PGS1: variants seen among roughly 807,000 people sequenced by gnomAD.
PGS1 encodes the protein CDP-diacylglycerol--glycerol-3-phosphate 3-phosphatidyltransferase, mitochondrial.
In PGS1, 44 loss-of-function variants were observed where a neutral mutation model predicts 58.3. That is an observed-to-expected ratio of 0.75 (90% CI 0.59 to 0.97). PGS1 has a LOEUF of 0.97. PGS1 is among the 50% of genes least tolerant of loss of function. PGS1 has a pLI of 0.00. For synonymous variants in PGS1, 330 were observed against 311.0 expected (o/e 1.06, Z -0.64); for missense variants, 684 against 731.1 (o/e 0.94, Z 0.74).
In PGS1 at chr17:78,414,961, C is replaced by G. The variant is rs1249019030; in HGVS notation, c.1485C>G (p.His495Gln). The G allele has an allele frequency of 6.2e-7, 1 of 1,613,882 alleles. No individual in the cohort carries two copies. The highest frequency in any genetic ancestry group is 2.2e-5 in the East Asian group (1 of 44,884). The change falls in exon 8 of 10, where the codon CAC becomes CAG. Residue 495 changes from histidine to glutamine, a missense_variant. His to Gln is a conservative substitution (Grantham distance 24). Transcript: ENST00000262764. ...GSPNFGYRSV[H>Q]RDLEAQIAIV... ...CTAATTTTGGGTACAGGTCAGTTCA[C>G]CGGGACCTGGAGGCCCAGATTGCGA...
intron 1 of PGS1, among the ~76,000 whole-genome samples, chr17:78,379,127 G>C (rs1383839162): frequency 6.6e-6 from 1 of 152,234 alleles, no homozygotes; most frequent in African/African-American, 2.4e-5. Context: ...CACGTTAAAA[G>C]AGGGACTGTG....
chr17:78,423,569 C>G, intron 9 of PGS1: 1 of 309,264 alleles, frequency 3.2e-6, no homozygotes, highest in South Asian at 3.7e-5. Flanking sequence ...ACTGACCCCC[C>G]CGGGAAGTCA....
chr17:78,385,153 C>G lies in PGS1; in HGVS notation c.143+6345C>G, dbSNP rs1003258970. Among the ~76,000 whole-genome samples the G allele has an allele frequency of 6.6e-5, 10 of 152,210 alleles. No individual in the cohort carries two copies. In the South Asian group the frequency reaches 1.4e-3, roughly 22 times the overall value. On this transcript the variant is annotated intron_variant, in intron 1 of 9. Coordinates refer to ENST00000262764, the MANE Select transcript of PGS1 (RefSeq NM_024419.5). ...TCTTTTTCTGAGATGGAGTCTTGCTCTGTCGCCCAGGCTGGAGTGCAGTGG... is the reference window on the plus strand; with the variant it reads ...TCTTTTTCTGAGATGGAGTCTTGCTGTGTCGCCCAGGCTGGAGTGCAGTGG...
At chr17:78,419,102 G>T (rs1028867981) in intron 8 of PGS1, among the ~76,000 whole-genome samples, 1 of 151,774 alleles carries the variant, frequency 6.6e-6, no homozygotes, top group Non-Finnish European at 1.5e-5. Flanking sequence ...TTGACCTCCC[G>T]GGCTGAAACC....
rs777270141 is a variant in PGS1 at position 78,424,113 on chromosome 17, C to T, written c.*63C>T. On this transcript the variant is annotated 3_prime_UTR_variant, in exon 10 of 10. Coordinates refer to ENST00000262764, the MANE Select transcript of PGS1 (RefSeq NM_024419.5). Reference sequence around the variant, plus strand: ...TGGCCGGGGTCAGCTCTTTCAGCCGCGCTTCAGCGATGACTCCAGTCTGGG... The same window carrying T: ...TGGCCGGGGTCAGCTCTTTCAGCCGTGCTTCAGCGATGACTCCAGTCTGGG... The T allele has an allele frequency of 3.5e-5, 56 of 1,613,482 alleles. No individual in the cohort carries two copies. The highest frequency in any genetic ancestry group is 3.3e-4 in the Middle Eastern group (2 of 6,084).
chr17:78,403,469 G>T, intron 6 of PGS1, 99 bp from the exon 7 acceptor site: 2 of 1,225,874 alleles, frequency 1.6e-6, no homozygotes, highest in Non-Finnish European at 2.3e-6. Context: ...TCCAGTTGTA[G>T]CGTCTGCACT....
chr17:78,392,889 C>T (rs1000559601), intron 2 of PGS1, among the ~76,000 whole-genome samples: 1 of 152,146 alleles, frequency 6.6e-6, no homozygotes, highest in Admixed American at 6.6e-5. Context: ...GAGAAGGCAA[C>T]AGTGAGAACA....
intron 7 of PGS1, among the ~76,000 whole-genome samples, chr17:78,408,455 G>A (rs1391870047): frequency 6.6e-6 from 1 of 152,216 alleles, no homozygotes; most frequent in Non-Finnish European, 1.5e-5. Context: ...GGGGAACAGG[G>A]CTGATATTTG....
At position 78,423,904 on chromosome 17, in the gene PGS1, A is replaced by C. The variant is rs1470544927; in HGVS notation, c.*11-157A>C. On this transcript the variant is annotated intron_variant, in intron 9 of 9. Coordinates refer to ENST00000262764, the MANE Select transcript of PGS1 (RefSeq NM_024419.5). ...GAGTGTGGGCTGTGAGGCAGGAGCG[A>C]GCTAAACCTGTAGGAGCAGCGCCAC... 1.9e-6 allele frequency: 3 copies of C among 1,613,932 alleles called. No homozygotes were observed. In the South Asian group the frequency reaches 3.3e-5, roughly 18 times the overall value.
chr17:78,398,088 T>G (rs1395194651), intron 3 of PGS1, 164 bp from the exon 4 acceptor site: 3 of 710,180 alleles, frequency 4.2e-6, no homozygotes, highest in Non-Finnish European at 7.8e-6. Flanking sequence ...ATGAAGGTGC[T>G]CTCAGACAGA....
chr17:78,419,610 G>GCCCC lies in PGS1; in HGVS notation c.1618_1619insCCCC (p.Gln540ProfsTer68). On this transcript the variant is annotated frameshift_variant, in exon 9 of 10. Transcript: ENST00000262764. LOFTEE classifies it high-confidence loss of function. ...TCTGCCACCTTCGAGCAGCCGAGTC[G>GCCCC]CCAGGTGAAGCTGTGGGTGAAGATG... The GCCCC allele has an allele frequency of 6.2e-7, 1 of 1,614,094 alleles. No individual in the cohort carries two copies.
In PGS1 at chr17:78,415,027, G is replaced by A. The variant is rs754648007; in HGVS notation, c.1551G>A (p.Gln517=). Residue 517 remains glutamine, a splice_region_variant and synonymous_variant, in exon 8 of 10, where the codon CAG becomes CAA. Coordinates refer to ENST00000262764, the MANE Select transcript of PGS1 (RefSeq NM_024419.5). ...AGGCCCTGCAGCAGCAGCTTCACCAGGTTGGTCGCAGCAAGTGGGATTTCC... is the reference window on the plus strand; with the variant it reads ...AGGCCCTGCAGCAGCAGCTTCACCAAGTTGGTCGCAGCAAGTGGGATTTCC... The part of the protein sequence containing the change: ...ENQALQQQLH[Q]EQEQLYLRSG... 1.6e-5 allele frequency: 25 copies of A among 1,612,320 alleles called. No homozygotes were observed. Among genetic ancestry groups the A allele is most frequent in the South Asian group, 1.1e-5 (1 of 90,988 alleles).
intron 9 of PGS1, chr17:78,423,785 G>C (rs930506200): frequency 3.0e-6 from 4 of 1,322,016 alleles, no homozygotes; most frequent in Non-Finnish European, 4.2e-6. Flanking sequence ...CAAAGCACCT[G>C]ATTATTTAAG....
chr17:78,385,872 G>C (rs1458207955), intron 1 of PGS1, among the ~76,000 whole-genome samples: 1 of 152,222 alleles, frequency 6.6e-6, no homozygotes, highest in Non-Finnish European at 1.5e-5. Context: ...CCTGCCTGGG[G>C]CTGCCTGGGT....
chr17:78,402,904 A>G (rs1269945912), intron 6 of PGS1, among the ~76,000 whole-genome samples: 2 of 151,954 alleles, frequency 1.3e-5, no homozygotes, highest in Non-Finnish European at 1.5e-5. Context: ...GTGTGTCTGC[A>G]TGGTCACCTG....
Position 78,399,548 on chromosome 17 carries a change from C to G in PGS1, c.701+11C>G. The G allele has an allele frequency of 3.7e-6, 6 of 1,613,558 alleles. No individual in the cohort carries two copies. Among genetic ancestry groups the G allele is most frequent in the Non-Finnish European group, 5.1e-6 (6 of 1,179,576 alleles). On this transcript the variant is annotated intron_variant, in intron 5 of 9. Transcript: ENST00000262764. ...CGTCATCTTGAGCGGGTGAGTGCTTCCCACCGTCAGTGCTTTTGCCCTCCT... is the reference window on the plus strand; with the variant it reads ...CGTCATCTTGAGCGGGTGAGTGCTTGCCACCGTCAGTGCTTTTGCCCTCCT...
At chr17:78,408,402 C>A (rs146021893) in intron 7 of PGS1, among the ~76,000 whole-genome samples, 115 of 152,240 alleles carry the variant, frequency 7.6e-4, no homozygotes, top group Non-Finnish European at 1.4e-3. Flanking sequence ...TAACCTCTTT[C>A]CTGTGCAGTC....
chr17:78,419,478 G>A (rs1402110501), intron 8 of PGS1, 68 bp from the exon 9 acceptor site: 1 of 1,425,308 alleles, frequency 7.0e-7, no homozygotes, highest in Non-Finnish European at 9.9e-7. Flanking sequence ...CTGGGCTGGG[G>A]CCAGCCGGCC....
rs749396376 is a variant in PGS1, at chr17:78,403,785, G to A, written c.1098G>A (p.Glu366=). The change falls in exon 7 of 10, where the codon GAG becomes GAA. Residue 366 remains glutamate, a synonymous_variant. Transcript: ENST00000262764. ...AGCCCTTCGAGATTCAAATCGATGA[G>A]ATTGTCACTGAGACCCTGTTGACTG... ...QMKPFEIQID[E]IVTETLLTEA... 9.3e-6 allele frequency: 15 copies of A among 1,614,116 alleles called. No individual in the cohort carries two copies. Among genetic ancestry groups the A allele is most frequent in the African/African-American group, 1.3e-5 (1 of 74,930 alleles).
Sources: allele counts gnomAD v4.1 joint callset (sites outside exome capture counted in the v4.1 genomes callset), GRCh38; gene constraint gnomAD v4.1.1; transcripts MANE v1.5; gene names NCBI Gene and HGNC (gene_info 2026-07-23, HGNC 2026-07-21).